The following DUS2 variants were observed in gnomAD, a reference collection of about 807,000 sequenced individuals.
DUS2 encodes the protein tRNA-dihydrouridine(20) synthase [NAD(P)+]-like.
Under a neutral mutation model 71.3 loss-of-function variants are expected in DUS2, and 52 were observed. That is an observed-to-expected ratio of 0.73 (90% CI 0.58 to 0.92). DUS2 has a LOEUF of 0.92. DUS2 is among the 40% of genes least tolerant of loss of function. The pLI, the probability that DUS2 is intolerant of heterozygous loss-of-function variation, is 0.00. For synonymous variants in DUS2, 204 were observed against 227.8 expected, an observed-to-expected ratio of 0.90 and a Z score of 0.94; for missense variants, 558 against 622.6, an observed-to-expected ratio of 0.90 and a Z score of 1.10.
chr16:68,038,130 C>G lies in DUS2; in HGVS notation c.107C>G (p.Ala36Gly). 1 of 1,613,592 alleles carries G rather than the reference C, an allele frequency of 6.2e-7. No individual in the cohort carries two copies. Among genetic ancestry groups the G allele is most frequent in the South Asian group, 1.1e-5 (1 of 91,048 alleles). The change falls in exon 3 of 17, where the codon GCG (alanine) becomes GGG (glycine). Residue 36 changes from alanine (A) to glycine (G), a missense_variant. Coordinates refer to ENST00000565263, the MANE Select transcript of DUS2 (RefSeq NM_017803.5). ...AGGCTGCTGGCCCTGGATTATGGAG[C>G]GGACATTGTTTACTGTGAGGTAAGG... ...PMRLLALDYG[A>G]DIVYCEELID...
intron 6 of DUS2, among the ~76,000 whole-genome samples, chr16:68,055,589 A>T (rs2033840684): frequency 6.6e-6 from 1 of 152,088 alleles, no homozygotes; most frequent in African/African-American, 2.4e-5. Context: ...CCTCAATGAG[A>T]ACCTAGTTTT....
chr16:68,056,157 C>T (rs1218861779), intron 6 of DUS2, among the ~76,000 whole-genome samples: 2 of 152,074 alleles, frequency 1.3e-5, no homozygotes, highest in Non-Finnish European at 2.9e-5. Context: ...TGTCTTTTCT[C>T]TGGATTTCTG....
At chr16:68,075,025 T>C (rs1252677544) in intron 13 of DUS2, among the ~76,000 whole-genome samples, 1 of 152,102 alleles carries the variant, frequency 6.6e-6, no homozygotes, top group Non-Finnish European at 1.5e-5. Flanking sequence ...TTGATCAGCA[T>C]TGGTTAACTC....
chr16:68,049,866 G>A (rs1260584398), intron 4 of DUS2, among the ~76,000 whole-genome samples: 1 of 152,210 alleles, frequency 6.6e-6, no homozygotes, highest in Non-Finnish European at 1.5e-5. Flanking sequence ...CTTGCTAGAT[G>A]TGTGACCTTG....
chr16:68,047,165 C>T (rs1189613474), intron 3 of DUS2, among the ~76,000 whole-genome samples: 1 of 148,574 alleles, frequency 6.7e-6, no homozygotes, highest in African/African-American at 2.5e-5. Flanking sequence ...AAGCGATTCT[C>T]CTGCCTCAGC....
At chr16:68,055,545 T>C (rs567195145) in intron 6 of DUS2, among the ~76,000 whole-genome samples, 58 of 152,244 alleles carry the variant, frequency 3.8e-4, no homozygotes, top group African/African-American at 1.4e-3. Context: ...GTTTTGCTAC[T>C]TGTTAACTGT....
At chr16:68,067,085 C>T (rs1171484845) in intron 10 of DUS2, among the ~76,000 whole-genome samples, 8 of 93,478 alleles carry the variant, frequency 8.6e-5, no homozygotes, top group African/African-American at 3.4e-4. Context: ...CCCTCCCTCC[C>T]TCCTTCCTTC....
At chr16:68,034,328 C>G (rs997199183) in intron 2 of DUS2, among the ~76,000 whole-genome samples, 7 of 152,170 alleles carry the variant, frequency 4.6e-5, no homozygotes, top group Non-Finnish European at 1.0e-4. Context: ...GCGATCTCCC[C>G]ACCATGGCCT....
At chr16:68,032,733 G>A (rs1196022718) in intron 2 of DUS2, among the ~76,000 whole-genome samples, 2 of 151,954 alleles carry the variant, frequency 1.3e-5, no homozygotes, top group African/African-American at 4.8e-5. Flanking sequence ...TCTTTGGAAG[G>A]CCAAAGTGGG....
At chr16:68,047,811 CACT>C (rs1567474327) in intron 3 of DUS2, among the ~76,000 whole-genome samples, 1 of 146,094 alleles carries the variant, frequency 6.8e-6, no homozygotes, top group African/African-American at 2.5e-5. Flanking sequence ...AGACAGGTGT[CACT>C]CTGTTGCCCA....
intron 2 of DUS2, among the ~76,000 whole-genome samples, chr16:68,037,708 C>T (rs913277731): frequency 3.3e-5 from 5 of 151,958 alleles, no homozygotes; most frequent in African/African-American, 1.2e-4. Flanking sequence ...TGTGAACCAT[C>T]GTGCCTAGCT....
At chr16:68,053,749 G>C in intron 5 of DUS2, 94 bp downstream of exon 5, 1 of 1,291,712 alleles carries the variant, frequency 7.7e-7, no homozygotes. Context: ...TTGAATACCT[G>C]GGGTACATTG....
intron 7 of DUS2, among the ~76,000 whole-genome samples, chr16:68,060,544 C>G (rs1053135841): frequency 6.6e-6 from 1 of 152,310 alleles, no homozygotes; most frequent in Admixed American, 6.5e-5. Flanking sequence ...GAACTCCTGA[C>G]CTCAGGTAAT....
intron 15 of DUS2, chr16:68,077,858 A>C: frequency 6.4e-6 from 1 of 155,860 alleles, no homozygotes; most frequent in Non-Finnish European, 1.4e-5. Flanking sequence ...TCTGGCCTCA[A>C]GGCTTATACC....
At chr16:68,070,577 A>C (rs2034070266) in intron 11 of DUS2, among the ~76,000 whole-genome samples, 1 of 152,200 alleles carries the variant, frequency 6.6e-6, no homozygotes, top group Non-Finnish European at 1.5e-5. Flanking sequence ...CTTAGCCCTC[A>C]GTGAACATAT....
intron 3 of DUS2, 21 bp from the exon 4 acceptor site, chr16:68,049,484 C>T (rs1195380733): frequency 8.7e-6 from 14 of 1,613,458 alleles, no homozygotes; most frequent in East Asian, 2.2e-5. Context: ...GAATGACAAG[C>T]GTCCTCTGAT....
intron 4 of DUS2, among the ~76,000 whole-genome samples, chr16:68,050,103 T>G (rs2033757550): frequency 6.6e-6 from 1 of 152,142 alleles, no homozygotes; most frequent in African/African-American, 2.4e-5. Flanking sequence ...TTGTGGTATA[T>G]TCCTTGAGTT....
chr16:68,028,748 G>C (rs566229904), intron 2 of DUS2, among the ~76,000 whole-genome samples: 2 of 152,258 alleles, frequency 1.3e-5, no homozygotes, highest in East Asian at 3.9e-4. Context: ...GTACACCATG[G>C]AATTCACTCT....
chr16:68,057,021 A>G (rs375866572), intron 7 of DUS2, among the ~76,000 whole-genome samples: 1 of 137,154 alleles, frequency 7.3e-6, no homozygotes, highest in Non-Finnish European at 1.5e-5. Flanking sequence ...TAATTATATA[A>G]TACATATAAA....
Sources: allele counts gnomAD v4.1 joint callset (sites outside exome capture counted in the v4.1 genomes callset), GRCh38; gene constraint gnomAD v4.1.1; transcripts MANE v1.5; gene names NCBI Gene and HGNC (gene_info 2026-07-23, HGNC 2026-07-21).